NOTCH3: variants seen among roughly 807,000 people sequenced by gnomAD.
NOTCH3 encodes the protein notch receptor 3.
Under a neutral mutation model 213.3 loss-of-function variants are expected in NOTCH3, and 86 were observed. That is an observed-to-expected ratio of 0.40 (90% CI 0.34 to 0.48). The LOEUF is 0.48. NOTCH3 is among the 20% of genes least tolerant of loss of function. The pLI is 0.57. For synonymous variants in NOTCH3, 1,354 were observed against 1,355.9 expected, an observed-to-expected ratio of 1.00 and a Z score of 0.03; for missense variants, 2,783 against 3,272.6, an observed-to-expected ratio of 0.85 and a Z score of 3.65.
chr19:15,181,310 A>G, intron 17 of NOTCH3, 148 bp from the exon 18 acceptor site: 1 of 805,662 alleles, frequency 1.2e-6, no homozygotes, highest in Non-Finnish European at 2.1e-6. Context: ...GAAGCCAATC[A>G]GGTCCCTTAG....
chr19:15,179,547 A>T (rs1284590212), intron 20 of NOTCH3, 51 bp from the exon 21 acceptor site: 1 of 1,598,938 alleles, frequency 6.3e-7, no homozygotes, highest in Non-Finnish European at 8.5e-7. Flanking sequence ...ACACAGACCC[A>T]CCTGGACATA....
intron 8 of NOTCH3, 142 bp from the exon 9 acceptor site, chr19:15,188,490 A>G: frequency 8.6e-6 from 6 of 699,302 alleles, no homozygotes; most frequent in Non-Finnish European, 1.3e-5. Context: ...GCCCAACCTT[A>G]ATTTTCAGCC....
intron 31 of NOTCH3, among the ~76,000 whole-genome samples, chr19:15,164,908 G>A (rs1429881791): frequency 3.3e-5 from 5 of 152,006 alleles, no homozygotes; most frequent in African/African-American, 1.2e-4. Context: ...AGTTTCTGGA[G>A]TAGCTAGGGC....
rs1248555367 is a variant in NOTCH3, at chr19:15,185,973, C to T, written c.1952-294G>A. Among the ~76,000 whole-genome samples the T allele has an allele frequency of 6.6e-6, 1 of 152,114 alleles. No individual in the cohort carries two copies. Among genetic ancestry groups the T allele is most frequent in the Non-Finnish European group, 1.5e-5 (1 of 68,022 alleles). ...CCGGGCTGGACTGCAGTGGCATGAT[C>T]ATAGCTCACCACAGCCTCCACTTCC... On this transcript the variant is annotated intron_variant, in intron 12 of 32. Coordinates refer to ENST00000263388, the MANE Select transcript of NOTCH3 (RefSeq NM_000435.3). This position sits in a 1 kb window ranked among gnomAD's most constrained non-coding sequence, Gnocchi z 4.2.
intron 17 of NOTCH3, 64 bp from the exon 18 acceptor site, chr19:15,181,226 C>G (rs2046838813): frequency 7.0e-7 from 1 of 1,424,340 alleles, no homozygotes; most frequent in Non-Finnish European, 9.7e-7. Context: ...GCCCTCCTTC[C>G]TGAGTCCCGC....
In NOTCH3 at chr19:15,161,064, T is replaced by C; in HGVS notation, c.6564A>G (p.Pro2188=). The C allele has an allele frequency of 1.3e-6, 2 of 1,538,922 alleles. No homozygotes were observed. Among genetic ancestry groups the C allele is most frequent in the Non-Finnish European group, 1.7e-6 (2 of 1,146,722 alleles). ...TGAGCAGCTGGGGTCCCGGCGCCAG[T>C]GGCAGCAGGAACGAGGGGCCTGGAG... ...PAPPGPSFLL[P]LAPGPQLLNP... is the part of the protein sequence containing the mutation. The change falls in exon 33 of 33, where the codon CCA becomes CCG. Residue 2188 remains proline (P), a synonymous_variant. Transcript: ENST00000263388.
chr19:15,198,330 C>G (rs372214075), intron 1 of NOTCH3, among the ~76,000 whole-genome samples: 2 of 152,062 alleles, frequency 1.3e-5, no homozygotes, highest in Admixed American at 6.6e-5. Context: ...GGACACAGTG[C>G]GTGTGTCCAT....
Position 15,182,635 on chromosome 19 carries a change from T to TTA in NOTCH3, c.2567-835_2567-834insTA, listed in dbSNP as rs573958893. Among the ~76,000 whole-genome samples the TTA allele has an allele frequency of 7.7e-3, 1,169 of 151,562 alleles. 9 individuals carry two copies. The highest frequency in any genetic ancestry group is 0.026 in the African/African-American group (1,077 of 41,110). The stretch of plus-strand genomic sequence containing the variant: ...TTTATTTATTTATTTATTTATTTAC[T>TTA]TTTATTTTTATTTTTATTTTTTTTG... On this transcript the variant is annotated intron_variant, in intron 16 of 32. Coordinates refer to ENST00000263388, the MANE Select transcript of NOTCH3 (RefSeq NM_000435.3).
In NOTCH3 at chr19:15,192,233, C is replaced by A. The variant is rs908207102; in HGVS notation, c.406G>T (p.Val136Leu). 2 of 1,606,544 alleles carry A rather than the reference C, an allele frequency of 1.2e-6. No homozygotes were observed. Among genetic ancestry groups the A allele is most frequent in the East Asian group, 2.2e-5 (1 of 44,590 alleles). ...CAGAGGAAGCGTCCATCGGGCCCCACTGAGCAGCGGGCACCGTGGGCACAA... is the reference window on the plus strand; with the variant it reads ...CAGAGGAAGCGTCCATCGGGCCCCAATGAGCAGCGGGCACCGTGGGCACAA... ...SPCAHGARCS[V>L]GPDGRFLCSC... The change falls in exon 4 of 33, where the codon GTG (valine) becomes TTG (leucine). Residue 136 changes from valine (V) to leucine (L), a missense_variant. Transcript: ENST00000263388.
At chr19:15,187,406 C>A in intron 10 of NOTCH3, 68 bp from the exon 11 acceptor site, 1 of 1,419,634 alleles carries the variant, frequency 7.0e-7, no homozygotes, top group Admixed American at 1.8e-5. Context: ...GGCCTCGGAC[C>A]AATCCTGGTT....
At chr19:15,178,969 C>T (rs770520873) in intron 22 of NOTCH3, 28 bp from the exon 23 acceptor site, 2 of 1,614,086 alleles carry the variant, frequency 1.2e-6, no homozygotes, top group Admixed American at 3.3e-5. Flanking sequence ...TGTAGATCAG[C>T]CACAATGGGG....
intron 24 of NOTCH3, among the ~76,000 whole-genome samples, chr19:15,176,762 T>TA (rs61399527): frequency 0.054 from 2,984 of 55,614 alleles, 218 homozygotes; most frequent in Non-Finnish European, 0.075. Context: ...GACCCTGTCT[T>TA]AAAAAAAAAA....
intron 24 of NOTCH3, among the ~76,000 whole-genome samples, chr19:15,175,556 C>CATATATAT (rs71168593): frequency 0.043 from 3,845 of 90,026 alleles, 108 homozygotes; most frequent in East Asian, 0.064. Flanking sequence ...AAAAAAAATA[C>CATATATAT]ATATATATAT....
intron 6 of NOTCH3, among the ~76,000 whole-genome samples, 192 bp from the exon 7 acceptor site, chr19:15,189,620 G>A (rs889865503): frequency 2.6e-5 from 4 of 152,146 alleles, no homozygotes; most frequent in South Asian, 4.1e-4. Flanking sequence ...CCAGGTTCAA[G>A]CGATTCTCCT....
At chr19:15,175,552 A>AAAAAACATAT (rs1273195882) in intron 24 of NOTCH3, among the ~76,000 whole-genome samples, 3 of 23,998 alleles carry the variant, frequency 1.3e-4, no homozygotes, top group Non-Finnish European at 3.7e-4. Flanking sequence ...AAAAAAAAAA[A>AAAAAACATAT]ATACATATAT....
At chr19:15,187,398 C>T (rs2046892114) in intron 10 of NOTCH3, 60 bp from the exon 11 acceptor site, 1 of 1,478,540 alleles carries the variant, frequency 6.8e-7, no homozygotes, top group East Asian at 2.3e-5. Context: ...ACAAGTGAGG[C>T]CTCGGACCAA....
intron 2 of NOTCH3, among the ~76,000 whole-genome samples, chr19:15,196,350 C>CCCCA (rs1227045704): frequency 3.3e-5 from 5 of 151,986 alleles, no homozygotes; most frequent in Non-Finnish European, 5.9e-5. Context: ...CCCCATCCCG[C>CCCCA]CCCACCTTCG....
At position 15,160,861 on chromosome 19, in the gene NOTCH3, G is replaced by A. The variant is rs1467189262; in HGVS notation, c.6767C>T (p.Ala2256Val). The part of the protein sequence containing the change: ...TPSPESPEHW[A>V]SPSPPSLSDW... Reference sequence around the variant, plus strand: ...TGAGAGGGAGGGAGGTGAGGGGCTGGCCCAGTGCTCAGGGGATTCGGGGGA... The same window carrying A: ...TGAGAGGGAGGGAGGTGAGGGGCTGACCCAGTGCTCAGGGGATTCGGGGGA... The change falls in exon 33 of 33, where the codon GCC becomes GTC. Residue 2256 changes from alanine (A) to valine (V), a missense_variant. Transcript: ENST00000263388. 4 of 1,613,894 alleles carry A rather than the reference G, an allele frequency of 2.5e-6. No individual in the cohort carries two copies. The highest frequency in any genetic ancestry group is 1.6e-4 in the Middle Eastern group (1 of 6,062).
rs1235785453 is a variant in NOTCH3 at position 15,194,944 on chromosome 19, C to T, written c.198-2425G>A. Among the ~76,000 whole-genome samples the T allele has an allele frequency of 4.7e-5, 6 of 127,586 alleles. No homozygotes were observed. In the South Asian group the frequency reaches 1.5e-3, roughly 33 times the overall value. 83.7% of individuals were successfully genotyped at this position (127,586 alleles called of 152,430 possible). A position where few individuals can be genotyped will look rare whatever the true frequency, so the allele number is the denominator to read the frequency against. ...TGCACTCCAGCCTGGGCAACAAGAG[C>T]GATACTCGATCTCAAAAAAAAAAAA... On this transcript the variant is annotated intron_variant, in intron 2 of 32. Transcript: ENST00000263388.
Sources: allele counts gnomAD v4.1 joint callset (sites outside exome capture counted in the v4.1 genomes callset), GRCh38; gene constraint gnomAD v4.1.1; non-coding constraint Gnocchi (gnomAD v3.1); transcripts MANE v1.5; gene names NCBI Gene and HGNC (gene_info 2026-07-23, HGNC 2026-07-21).